NR1H4: variants seen among roughly 807,000 people sequenced by gnomAD.
NR1H4 encodes nuclear receptor subfamily 1 group H member 4.
In NR1H4, 23 loss-of-function variants were observed where a neutral mutation model predicts 58.5. The observed-to-expected ratio is 0.39, with a 90% CI of 0.28 to 0.56. The LOEUF (loss-of-function observed/expected upper bound fraction) is 0.56, where lower values mean the gene tolerates loss of function less well. NR1H4 is among the 20% of genes least tolerant of loss of function. The pLI is 0.58. For synonymous variants in NR1H4, 214 were observed against 198.0 expected (o/e 1.08, Z -0.68); for missense variants, 487 against 576.9 (o/e 0.84, Z 1.60).
chr12:100,504,959 G>A (rs1367601421), intron 3 of NR1H4, among the ~76,000 whole-genome samples: 1 of 152,214 alleles, frequency 6.6e-6, no homozygotes, highest in Non-Finnish European at 1.5e-5. Context: ...TCCCAGAGTA[G>A]GTGACCAGAA....
intron 4 of NR1H4, among the ~76,000 whole-genome samples, chr12:100,513,109 G>T (rs183103641): frequency 1.2e-4 from 19 of 152,264 alleles, no homozygotes; most frequent in Admixed American, 5.9e-4. Flanking sequence ...ACCTTTTTGT[G>T]GAGAGTCACG....
chr12:100,562,524 A>G, intron 10 of NR1H4, among the ~76,000 whole-genome samples: 1 of 152,172 alleles, frequency 6.6e-6, no homozygotes, highest in Non-Finnish European at 1.5e-5. Context: ...TTTCTTCTAA[A>G]AGTCATTTCC....
intron 6 of NR1H4, 51 bp from the exon 7 acceptor site, chr12:100,536,461 A>C (rs748004442): frequency 1.4e-5 from 15 of 1,058,608 alleles, no homozygotes; most frequent in African/African-American, 3.1e-5. Flanking sequence ...ATATAGAAAG[A>C]AGGCTTTATA....
intron 4 of NR1H4, among the ~76,000 whole-genome samples, chr12:100,526,579 T>C (rs1263800297): frequency 6.6e-6 from 1 of 152,214 alleles, no homozygotes; most frequent in African/African-American, 2.4e-5. Flanking sequence ...TCCTCCAGGA[T>C]CGTGCGCAAA....
chr12:100,532,712 C>G (rs1593104174), intron 5 of NR1H4, 102 bp downstream of exon 5: 2 of 1,050,550 alleles, frequency 1.9e-6, no homozygotes, highest in South Asian at 1.5e-5. Flanking sequence ...AAGAAGGAAC[C>G]TACTAAGCCA....
chr12:100,498,766 C>G (rs1389087442), intron 3 of NR1H4, among the ~76,000 whole-genome samples: 1 of 152,114 alleles, frequency 6.6e-6, no homozygotes, highest in East Asian at 1.9e-4. Context: ...ATTATTGTAT[C>G]TAACAGTCTT....
At chr12:100,502,103 ATT>A (rs1953848996) in intron 3 of NR1H4, among the ~76,000 whole-genome samples, 1 of 152,238 alleles carries the variant, frequency 6.6e-6, no homozygotes, top group South Asian at 2.1e-4. Context: ...TGTGCTAAGC[ATT>A]TTATAAATAC....
At chr12:100,518,027 TC>T (rs530761150) in intron 4 of NR1H4, among the ~76,000 whole-genome samples, 8 of 152,210 alleles carry the variant, frequency 5.3e-5, no homozygotes, top group Non-Finnish European at 1.0e-4. Flanking sequence ...AACGAAGCAG[TC>T]CGTTTAGCTG....
intron 1 of NR1H4, among the ~76,000 whole-genome samples, chr12:100,487,239 A>G (rs187999468): frequency 1.3e-5 from 2 of 152,308 alleles, no homozygotes; most frequent in Admixed American, 6.5e-5. Context: ...GTATAAATGG[A>G]AAAAAATGAT....
chr12:100,525,546 TA>T (rs1457970124), intron 4 of NR1H4: 2 of 151,940 alleles, frequency 1.3e-5, no homozygotes, highest in African/African-American at 2.4e-5. Flanking sequence ...AAAATAAAAA[TA>T]AACAAAAACA....
At chr12:100,482,959 C>G (rs1383194585) in intron 1 of NR1H4, among the ~76,000 whole-genome samples, 1 of 152,062 alleles carries the variant, frequency 6.6e-6, no homozygotes. Flanking sequence ...CAGAGTGTCA[C>G]TCTGTCACAA....
chr12:100,482,714 T>G (rs983157083), intron 1 of NR1H4, among the ~76,000 whole-genome samples: 2 of 152,178 alleles, frequency 1.3e-5, no homozygotes, highest in African/African-American at 4.8e-5. Flanking sequence ...GAAGCAGGGC[T>G]AGGCCTAGAG....
chr12:100,553,496 G>T (rs1032999723), intron 9 of NR1H4, among the ~76,000 whole-genome samples: 2 of 152,164 alleles, frequency 1.3e-5, no homozygotes, highest in Admixed American at 1.3e-4. Context: ...TAGTCTAACA[G>T]GGATCCTGCC....
chr12:100,557,238 G>A (rs973740685), intron 9 of NR1H4, among the ~76,000 whole-genome samples: 63 of 148,558 alleles, frequency 4.2e-4, no homozygotes, highest in African/African-American at 1.5e-3. Context: ...TTTACTCATG[G>A]TGGAAGGTGA....
chr12:100,501,561 A>T (rs1353844095), intron 3 of NR1H4, among the ~76,000 whole-genome samples: 1 of 152,192 alleles, frequency 6.6e-6, no homozygotes, highest in Non-Finnish European at 1.5e-5. Flanking sequence ...ACTGAGTTTA[A>T]AAATAGGCTT....
At chr12:100,497,065 G>A (rs1953731411) in intron 3 of NR1H4, among the ~76,000 whole-genome samples, 2 of 152,132 alleles carry the variant, frequency 1.3e-5, no homozygotes, top group African/African-American at 2.4e-5. Context: ...CAGGGAAGGA[G>A]GGAAAACCAA....
At chr12:100,532,842 A>G (rs1010459624) in intron 5 of NR1H4, among the ~76,000 whole-genome samples, 9 of 152,224 alleles carry the variant, frequency 5.9e-5, no homozygotes, top group Non-Finnish European at 1.2e-4. Flanking sequence ...GCAGTGAACT[A>G]TACATGGAGC....
intron 3 of NR1H4, among the ~76,000 whole-genome samples, chr12:100,510,551 G>A (rs1954079874): frequency 6.7e-6 from 1 of 148,862 alleles, no homozygotes; most frequent in Non-Finnish European, 1.5e-5. Context: ...TTAATGAGAT[G>A]AGTCTGTCCT....
At chr12:100,551,728 G>GTATT (rs1955206398) in intron 9 of NR1H4, among the ~76,000 whole-genome samples, 1 of 152,138 alleles carries the variant, frequency 6.6e-6, no homozygotes, top group Non-Finnish European at 1.5e-5. Flanking sequence ...TAGATATTAT[G>GTATT]TATTTATTTA....
Sources: allele counts gnomAD v4.1 joint callset (sites outside exome capture counted in the v4.1 genomes callset), GRCh38; gene constraint gnomAD v4.1.1; transcripts MANE v1.5; gene names NCBI Gene and HGNC (gene_info 2026-07-23, HGNC 2026-07-21).